The following PLD1 variants were observed in gnomAD, a reference collection of about 807,000 sequenced individuals.
The protein encoded by PLD1 is phospholipase D1, also known as choline phosphatase 1.
Under a neutral mutation model 137.1 loss-of-function variants are expected in PLD1, and 112 were observed. The observed-to-expected ratio is 0.82, with a 90% confidence interval of 0.70 to 0.96. The LOEUF (loss-of-function observed/expected upper bound fraction) is 0.96, where lower values mean the gene tolerates loss of function less well. Among genes scored for constraint, PLD1 ranks in the 40% least tolerant of loss-of-function variants. PLD1 has a pLI of 0.00. For synonymous variants in PLD1, 431 were observed against 454.7 expected (o/e 0.95, Z 0.66); for missense variants, 1,321 against 1,342.0 (o/e 0.98, Z 0.24).
chr3:171,608,514 T>G (rs1732390983), intron 25 of PLD1, among the ~76,000 whole-genome samples: 1 of 152,194 alleles, frequency 6.6e-6, no homozygotes, highest in South Asian at 2.1e-4. Context: ...TGGCAAAAAG[T>G]AGTCTTAAAA....
chr3:171,755,795 C>T (rs73043886), intron 1 of PLD1, among the ~76,000 whole-genome samples: 5,689 of 152,252 alleles, frequency 0.037, 267 homozygotes, highest in African/African-American at 0.11. Flanking sequence ...TTTCCAACTG[C>T]GATCCTTGTC....
intron 9 of PLD1, among the ~76,000 whole-genome samples, chr3:171,713,090 C>T (rs1717396102): frequency 6.6e-6 from 1 of 152,170 alleles, no homozygotes; most frequent in Non-Finnish European, 1.5e-5. Context: ...GGTATAACTA[C>T]AATCTTCCAG....
At chr3:171,779,816 C>T (rs559758948) in intron 1 of PLD1, among the ~76,000 whole-genome samples, 2 of 150,878 alleles carry the variant, frequency 1.3e-5, no homozygotes, top group South Asian at 4.2e-4. Context: ...AGATTCAGGA[C>T]TGAGATTTGG....
chr3:171,667,519 G>A (rs1712267652), intron 19 of PLD1, among the ~76,000 whole-genome samples: 1 of 152,148 alleles, frequency 6.6e-6, no homozygotes, highest in Non-Finnish European at 1.5e-5. Context: ...AGAAGTCCTA[G>A]GAAACACAGT....
intron 1 of PLD1, chr3:171,793,028 G>C: frequency 4.1e-6 from 1 of 244,702 alleles, no homozygotes. Flanking sequence ...GATCCACGTG[G>C]GAACACAAAC....
intron 23 of PLD1, among the ~76,000 whole-genome samples, chr3:171,638,156 GC>G (rs1352269050): frequency 7.0e-6 from 1 of 142,100 alleles, no homozygotes; most frequent in Non-Finnish European, 1.5e-5. Flanking sequence ...CTGCACTCCA[GC>G]CTGGGCGACA....
chr3:171,649,093 A>C (rs1736508090), intron 21 of PLD1, among the ~76,000 whole-genome samples: 1 of 152,300 alleles, frequency 6.6e-6, no homozygotes, highest in Non-Finnish European at 1.5e-5. Flanking sequence ...TGTTTGTAAG[A>C]GACAGTTCTA....
At chr3:171,625,231 C>G (rs1733995037) in intron 23 of PLD1, among the ~76,000 whole-genome samples, 1 of 152,210 alleles carries the variant, frequency 6.6e-6, no homozygotes, top group African/African-American at 2.4e-5. Context: ...GCTCCCACGC[C>G]CACGGAGTCT....
intron 19 of PLD1, among the ~76,000 whole-genome samples, chr3:171,668,867 C>T (rs9826593): frequency 0.042 from 6,338 of 152,210 alleles, 424 homozygotes; most frequent in African/African-American, 0.14. Flanking sequence ...GCCATTAAGA[C>T]CATTCTGGAA....
At chr3:171,733,946 T>C (rs956108541) in intron 5 of PLD1, among the ~76,000 whole-genome samples, 1 of 152,198 alleles carries the variant, frequency 6.6e-6, no homozygotes, top group African/African-American at 2.4e-5. Flanking sequence ...GTTAAAAGAC[T>C]TTCTAGTAGA....
intron 8 of PLD1, among the ~76,000 whole-genome samples, chr3:171,716,360 A>G (rs775478078): frequency 1.3e-5 from 2 of 152,234 alleles, no homozygotes; most frequent in Non-Finnish European, 2.9e-5. Flanking sequence ...AACCAGCAGC[A>G]TATAAGCATT....
intron 23 of PLD1, among the ~76,000 whole-genome samples, chr3:171,638,623 A>G (rs547408542): frequency 1.2e-4 from 19 of 152,324 alleles, no homozygotes; most frequent in African/African-American, 4.6e-4. Flanking sequence ...TGGGAAGATT[A>G]TTGATTGCTA....
At chr3:171,616,342 G>A (rs1733111055) in intron 24 of PLD1, among the ~76,000 whole-genome samples, 1 of 152,102 alleles carries the variant, frequency 6.6e-6, no homozygotes, top group Admixed American at 6.5e-5. Context: ...TGCTTATTTT[G>A]TGTGTCTCAC....
At chr3:171,792,566 G>A (rs1011927849) in intron 1 of PLD1, 1 of 456,606 alleles carries the variant, frequency 2.2e-6, no homozygotes, top group Admixed American at 2.3e-5. Context: ...AAGGAAGAGG[G>A]CCTGTTTCCC....
At chr3:171,697,330 C>A (rs1348374539) in intron 12 of PLD1, among the ~76,000 whole-genome samples, 1 of 150,330 alleles carries the variant, frequency 6.7e-6, no homozygotes, top group Admixed American at 6.6e-5. Context: ...CTGCAAGCTC[C>A]GCCTCCCGGG....
At chr3:171,604,786 ACT>A (rs1399906673) in intron 26 of PLD1, among the ~76,000 whole-genome samples, 1 of 152,256 alleles carries the variant, frequency 6.6e-6, no homozygotes, top group Non-Finnish European at 1.5e-5. Flanking sequence ...AAGGATGAAT[ACT>A]GTTTACTATA....
chr3:171,767,939 C>A (rs748676468), intron 1 of PLD1, among the ~76,000 whole-genome samples: 29 of 136,994 alleles, frequency 2.1e-4, no homozygotes, highest in Non-Finnish European at 4.8e-4. Context: ...TGAGACTCTG[C>A]CTCAAAAAAA....
chr3:171,695,590 TG>T (rs1268722652), intron 12 of PLD1, among the ~76,000 whole-genome samples: 2 of 152,218 alleles, frequency 1.3e-5, no homozygotes, highest in Admixed American at 6.5e-5. Context: ...TCAAACTACA[TG>T]GGAAGACAAT....
chr3:171,671,513 A>G (rs927081366), intron 19 of PLD1, among the ~76,000 whole-genome samples: 6 of 152,174 alleles, frequency 3.9e-5, no homozygotes, highest in Non-Finnish European at 8.8e-5. Context: ...ACTTAATTAT[A>G]TGTCAGAATT....
Sources: gnomAD v4.1 joint callset for allele counts (sites outside exome capture counted in the v4.1 genomes callset) on GRCh38, gnomAD v4.1.1 for gene constraint, MANE v1.5 for transcripts, NCBI Gene and HGNC (gene_info 2026-07-23, HGNC 2026-07-21) for gene names.